SMARCA2: variants seen among roughly 807,000 people sequenced by gnomAD.
SMARCA2 encodes SWI/SNF related BAF chromatin remodeling complex subunit ATPase 2.
SMARCA2 carries 61 observed loss-of-function variants against 199.8 expected under a neutral mutation model. The ratio of observed to expected loss-of-function variants is 0.31; its 90% CI spans 0.25 to 0.38. The LOEUF (loss-of-function observed/expected upper bound fraction) is 0.38. Among genes scored for constraint, SMARCA2 ranks in the 10% least tolerant of loss-of-function variants. The probability of loss-of-function intolerance (pLI) is 1.00; values close to 1 mark genes in which losing one functional copy is unlikely to be tolerated. For synonymous variants in SMARCA2, 935 were observed against 732.0 expected (o/e 1.28, Z -4.48); for missense variants, 1,344 against 2,012.2 (o/e 0.67, Z 6.35).
Position 2,186,203 on chromosome 9 carries a change from A to T in SMARCA2, c.4569A>T (p.Glu1523Asp). Residue 1523 changes from glutamate (E) to aspartate (D), a missense_variant, in exon 32 of 34, where the codon GAA (glutamate) becomes GAT (aspartate). This residue lies in a region of SMARCA2 where 155 missense variants were observed against 121.1 expected (regional missense o/e 1.28). Coordinates refer to ENST00000349721, the MANE Select transcript of SMARCA2 (RefSeq NM_003070.5). Reference protein sequence around the residue: ...EDESNEEEEEEDEEESESEAK... With the variant: ...EDESNEEEEEDDEEESESEAK... ...AAAGCAATGAAGAGGAGGAAGAGGAAGATGAAGAAGAGTCAGAGTCCGAGG... is the reference window on the plus strand; with the variant it reads ...AAAGCAATGAAGAGGAGGAAGAGGATGATGAAGAAGAGTCAGAGTCCGAGG... The T allele has an allele frequency of 6.2e-7, 1 of 1,614,108 alleles. No homozygotes were observed. Among genetic ancestry groups the T allele is most frequent in the South Asian group, 1.1e-5 (1 of 91,084 alleles).
intron 17 of SMARCA2, among the ~76,000 whole-genome samples, chr9:2,084,451 C>T (rs1821711977): frequency 6.7e-6 from 1 of 149,456 alleles, no homozygotes; most frequent in African/African-American, 2.5e-5. Flanking sequence ...CTTGTCTATC[C>T]CCTCAGAGTT....
At chr9:2,024,800 G>T (rs1431073731) in intron 1 of SMARCA2, among the ~76,000 whole-genome samples, 7 of 152,190 alleles carry the variant, frequency 4.6e-5, no homozygotes, top group Non-Finnish European at 1.0e-4. Context: ...TCCTGTTGCA[G>T]ATGTTACTTT....
chr9:2,076,138 C>G, intron 12 of SMARCA2, 91 bp from the exon 13 acceptor site: 1 of 738,544 alleles, frequency 1.4e-6, no homozygotes, highest in South Asian at 1.7e-5. Flanking sequence ...TTGTGAAGTT[C>G]AATACTAGTT....
At position 2,192,889 on chromosome 9, in the gene SMARCA2, A is replaced by T; in HGVS notation, c.*150A>T. The T allele has an allele frequency of 3.1e-6, 2 of 644,958 alleles. No homozygotes were observed. The highest frequency in any genetic ancestry group is 5.6e-6 in the Non-Finnish European group (2 of 357,474). The allele number at this position is 644,958 out of a possible 1,614,324, so 40.0% of individuals were successfully genotyped here. A position where few individuals can be genotyped will look rare whatever the true frequency, so the allele number is the denominator to read the frequency against. On this transcript the variant is annotated 3_prime_UTR_variant, in exon 34 of 34. Transcript: ENST00000349721. ...CTTTAGGATAGTGCCAGACAAACAT[A>T]TGATATCATGGTGTAAAAAACACAC...
intron 27 of SMARCA2, among the ~76,000 whole-genome samples, chr9:2,147,993 C>G (rs558266542): frequency 6.6e-6 from 1 of 151,640 alleles, no homozygotes; most frequent in Admixed American, 6.6e-5. Context: ...GCCACTATAC[C>G]CAGCCATGAA....
chr9:2,115,457 G>A lies in SMARCA2; in HGVS notation c.3457-365G>A, dbSNP rs1308516009. Among the ~76,000 whole-genome samples, 1 of 152,176 alleles carries A rather than the reference G, an allele frequency of 6.6e-6. No individual in the cohort carries two copies. Among genetic ancestry groups the A allele is most frequent in the South Asian group, 2.1e-4 (1 of 4,830 alleles). ...AGAAAAGGCGTTTCTTGCAACTTAAGGTTAGTTGTAGGTGTTATGTAAGTC... is the reference window on the plus strand; with the variant it reads ...AGAAAAGGCGTTTCTTGCAACTTAAAGTTAGTTGTAGGTGTTATGTAAGTC... On this transcript the variant is annotated intron_variant, in intron 24 of 33. Transcript: ENST00000349721. The surrounding 1 kb of genome is among the most constrained non-coding windows in gnomAD (Gnocchi z 6.0).
At chr9:2,160,319 T>G in intron 27 of SMARCA2, 1 of 434,154 alleles carries the variant, frequency 2.3e-6, no homozygotes, top group Non-Finnish European at 4.1e-6. Context: ...TGTCTTTTGA[T>G]TATTAAGGCC....
At chr9:2,116,074 T>C in intron 25 of SMARCA2, 25 bp downstream of exon 25, 1 of 1,548,708 alleles carries the variant, frequency 6.5e-7, no homozygotes, top group Non-Finnish European at 8.9e-7. Context: ...CCCAAGTTTA[T>C]GAAATCAAAC....
intron 33 of SMARCA2, 156 bp downstream of exon 33, chr9:2,191,564 G>C (rs1263249919): frequency 2.5e-6 from 2 of 795,758 alleles, no homozygotes; most frequent in African/African-American, 3.5e-5. Flanking sequence ...TGTGAACGGA[G>C]CTGTATGATT....
chr9:2,156,719 C>A (rs555402597), intron 27 of SMARCA2, among the ~76,000 whole-genome samples: 60 of 152,270 alleles, frequency 3.9e-4, no homozygotes, highest in African/African-American at 1.4e-3. Context: ...GCATGAGCCA[C>A]CGTACCTGGC....
At chr9:2,114,970 A>G (rs1823155924) in intron 24 of SMARCA2, among the ~76,000 whole-genome samples, 2 of 152,108 alleles carry the variant, frequency 1.3e-5, no homozygotes, top group South Asian at 4.1e-4. Flanking sequence ...AATTTTTATG[A>G]TACTTTGTTG....
intron 1 of SMARCA2, among the ~76,000 whole-genome samples, chr9:2,019,786 A>G (rs1172603624): frequency 1.3e-5 from 2 of 151,930 alleles, no homozygotes; most frequent in South Asian, 2.1e-4. Flanking sequence ...TATAAATTAT[A>G]AAAGTGGTGC....
intron 6 of SMARCA2, chr9:2,055,794 A>G (rs1475255324): frequency 1.3e-5 from 2 of 152,242 alleles, no homozygotes; most frequent in Non-Finnish European, 1.5e-5. Context: ...GTGACCTCAT[A>G]AGATGAATTA....
intron 27 of SMARCA2, chr9:2,159,504 T>G: frequency 4.3e-6 from 1 of 233,640 alleles, no homozygotes; most frequent in Non-Finnish European, 8.3e-6. Flanking sequence ...GTTTTAATTT[T>G]TTAAAATAAA....
chr9:2,133,780 C>T (rs540451660), intron 27 of SMARCA2, among the ~76,000 whole-genome samples: 1 of 152,232 alleles, frequency 6.6e-6, no homozygotes, highest in South Asian at 2.1e-4. Context: ...GTGGCCTCAT[C>T]ATCATTATGC....
chr9:2,063,672 G>A (rs1586663177), intron 9 of SMARCA2, among the ~76,000 whole-genome samples: 1 of 151,986 alleles, frequency 6.6e-6, no homozygotes, highest in African/African-American at 2.4e-5. Flanking sequence ...GATGAATATG[G>A]TTGACTTTTT....
At chr9:2,069,765 G>C (rs7853761) in intron 9 of SMARCA2, among the ~76,000 whole-genome samples, 1 of 151,686 alleles carries the variant, frequency 6.6e-6, no homozygotes, top group Non-Finnish European at 1.5e-5. Flanking sequence ...TTTTTTGAGG[G>C]TGCAATTTGA....
chr9:2,191,541 C>T, intron 33 of SMARCA2, 133 bp downstream of exon 33: 2 of 970,666 alleles, frequency 2.1e-6, no homozygotes, highest in Non-Finnish European at 3.1e-6. Flanking sequence ...AGTGAGATTT[C>T]ATTATTGAGG....
chr9:2,159,666 G>A (rs765668292), intron 27 of SMARCA2: 3 of 930,884 alleles, frequency 3.2e-6, no homozygotes, highest in Non-Finnish European at 4.7e-6. Context: ...ACAGGCTGAA[G>A]GAGGAAGCCT....
Sources: allele counts gnomAD v4.1 joint callset (sites outside exome capture counted in the v4.1 genomes callset), GRCh38; gene constraint gnomAD v4.1.1; regional missense constraint gnomAD v4.1.1; non-coding constraint Gnocchi (gnomAD v3.1); transcripts MANE v1.5; gene names NCBI Gene and HGNC (gene_info 2026-07-23, HGNC 2026-07-21).